Variants in ASAP2 observed in about 807,000 individuals in gnomAD.
ASAP2 encodes the protein arf-GAP with SH3 domain, ANK repeat and PH domain-containing protein 2.
ASAP2 carries 45 observed loss-of-function variants against 131.4 expected under a neutral mutation model. The observed-to-expected ratio is 0.34, with a 90% CI of 0.27 to 0.44. The LOEUF (loss-of-function observed/expected upper bound fraction) is 0.44, where lower values mean the gene tolerates loss of function less well. Ranked by LOEUF, ASAP2 falls within the 20% of genes least tolerant of loss-of-function variation. The probability of loss-of-function intolerance (pLI) is 1.00; values close to 1 mark genes in which losing one functional copy is unlikely to be tolerated. For missense variants in ASAP2, 1,011 were observed against 1,297.0 expected (o/e 0.78, Z 3.39); for synonymous variants, 510 against 503.0 (o/e 1.01, Z -0.19).
intron 1 of ASAP2, among the ~76,000 whole-genome samples, chr2:9,219,354 G>A (rs978772767): frequency 2.6e-5 from 4 of 152,174 alleles, no homozygotes; most frequent in African/African-American, 4.8e-5. Flanking sequence ...TTAGGAGAGC[G>A]GGATTGGAGT....
chr2:9,254,153 C>A (rs1340724281), intron 1 of ASAP2, among the ~76,000 whole-genome samples: 1 of 126,064 alleles, frequency 7.9e-6, no homozygotes, highest in Non-Finnish European at 1.6e-5. Flanking sequence ...CTGCAGTGAG[C>A]AGAGATTGCA....
chr2:9,271,218 G>A (rs1326609980), intron 1 of ASAP2: 1 of 635,240 alleles, frequency 1.6e-6, no homozygotes, highest in Non-Finnish European at 2.9e-6. Context: ...CTTGTGACAA[G>A]GGACAGAAGG....
intron 18 of ASAP2, among the ~76,000 whole-genome samples, chr2:9,377,994 T>G (rs1674537541): frequency 1.3e-5 from 2 of 152,100 alleles, no homozygotes; most frequent in Admixed American, 1.3e-4. Context: ...CCATGCACAT[T>G]TTCAGGGGGC....
chr2:9,247,664 CATTA>C (rs1664428124), intron 1 of ASAP2, among the ~76,000 whole-genome samples: 2 of 152,178 alleles, frequency 1.3e-5, no homozygotes, highest in Admixed American at 6.5e-5. Flanking sequence ...GATACTCAGT[CATTA>C]ATTAAGTGAA....
In ASAP2 at chr2:9,323,106, T is replaced by G; in HGVS notation, c.471-15T>G. ...GCCAACAGGCATCTTGATGTATCCT[T>G]GCTTTCACACGTAGAACCAAGATAG... On this transcript the variant is annotated splice_polypyrimidine_tract_variant and intron_variant, in intron 5 of 27. Transcript: ENST00000281419. 1 of 1,614,012 alleles carries G rather than the reference T, an allele frequency of 6.2e-7. No homozygotes were observed. Among genetic ancestry groups the G allele is most frequent in the Non-Finnish European group, 8.5e-7 (1 of 1,179,986 alleles).
chr2:9,245,809 G>T (rs906841766), intron 1 of ASAP2, among the ~76,000 whole-genome samples: 14 of 152,268 alleles, frequency 9.2e-5, no homozygotes, highest in African/African-American at 3.4e-4. Context: ...GCTCCTGGGG[G>T]ACAGAGCCTT....
rs773783386 is a variant in ASAP2 at position 9,388,280 on chromosome 2, A to T, written c.2131-14A>T. 2 of 1,613,046 alleles carry T rather than the reference A, an allele frequency of 1.2e-6. No homozygotes were observed. The highest frequency in any genetic ancestry group is 1.7e-6 in the Non-Finnish European group (2 of 1,179,830). On this transcript the variant is annotated splice_polypyrimidine_tract_variant and intron_variant, in intron 21 of 27. Coordinates refer to ENST00000281419, the MANE Select transcript of ASAP2 (RefSeq NM_003887.3). ...ATTTGTCTCACACGCCTCTGCCCCA[A>T]TGTTCTCCTGCAGCCCAGTCCCAAC...
rs116814211 is a variant in ASAP2 at position 9,360,616 on chromosome 2, T to C, written c.1461+1727T>C. Reference sequence around the variant, plus strand: ...TCTCATGGTGTAAATACTCCCACAATGGCCAATTTCAAGCTACCTAAGTGA... The same window carrying C: ...TCTCATGGTGTAAATACTCCCACAACGGCCAATTTCAAGCTACCTAAGTGA... On this transcript the variant is annotated intron_variant, in intron 15 of 27. Coordinates refer to ENST00000281419, the MANE Select transcript of ASAP2 (RefSeq NM_003887.3). 3.7e-3 allele frequency among the ~76,000 whole-genome samples: 566 copies of C among 152,318 alleles called. 3 individuals are homozygous for C. The highest frequency in any genetic ancestry group is 0.013 in the African/African-American group (535 of 41,574).
chr2:9,275,515 C>T (rs977425464), intron 1 of ASAP2, among the ~76,000 whole-genome samples: 17 of 152,326 alleles, frequency 1.1e-4, no homozygotes, highest in Non-Finnish European at 1.6e-4. Context: ...TTTTCCAGAA[C>T]GGCTACTGCC....
At chr2:9,279,065 AG>A (rs1666949242) in intron 1 of ASAP2, among the ~76,000 whole-genome samples, 1 of 122,008 alleles carries the variant, frequency 8.2e-6, no homozygotes, top group South Asian at 2.4e-4. Context: ...ATGCTGCAGG[AG>A]GAGGAGTTGG....
In ASAP2 at chr2:9,385,276, C is replaced by G. The variant is rs746597674; in HGVS notation, c.2048C>G (p.Ser683Cys). Residue 683 changes from serine to cysteine, a missense_variant, in exon 21 of 28, where the codon TCT becomes TGT. Around this residue, in one of 2 missense-constraint regions of ASAP2, gnomAD observed 652 missense variants for 698.9 expected, o/e 0.93. Coordinates refer to ENST00000281419, the MANE Select transcript of ASAP2 (RefSeq NM_003887.3). ...LTQALSGRFN[S>C]HVHVEYEWRL... Reference sequence around the variant, plus strand: ...CAAGCCTTATCTGGAAGATTTAATTCTCACGTTCACGTTGAATATGAATGG... The same window carrying G: ...CAAGCCTTATCTGGAAGATTTAATTGTCACGTTCACGTTGAATATGAATGG... 6.2e-7 allele frequency: 1 copy of G among 1,614,162 alleles called. No individual in the cohort carries two copies. The highest frequency in any genetic ancestry group is 1.7e-5 in the Admixed American group (1 of 60,030).
intron 9 of ASAP2, among the ~76,000 whole-genome samples, chr2:9,344,257 G>A (rs1264615941): frequency 6.6e-6 from 1 of 152,118 alleles, no homozygotes; most frequent in African/African-American, 2.4e-5. Context: ...GGCTCGTAAT[G>A]AAATAAAACC....
At position 9,380,730 on chromosome 2, in the gene ASAP2, T is replaced by G. The variant is rs1674771995; in HGVS notation, c.1949-11T>G. The G allele has an allele frequency of 6.2e-7, 1 of 1,613,996 alleles. No individual in the cohort carries two copies. Among genetic ancestry groups the G allele is most frequent in the Admixed American group, 1.7e-5 (1 of 60,008 alleles). On this transcript the variant is annotated splice_polypyrimidine_tract_variant and intron_variant, in intron 19 of 27. Transcript: ENST00000281419. ...GCCTTAACGCCTCCTTTGCTCGCCCTTGAATTTTAGCAAACGAGTCAGGAG... is the reference window on the plus strand; with the variant it reads ...GCCTTAACGCCTCCTTTGCTCGCCCGTGAATTTTAGCAAACGAGTCAGGAG...
At chr2:9,320,240 C>G (rs755385620) in intron 4 of ASAP2, 48 bp from the exon 5 acceptor site, 1 of 1,489,450 alleles carries the variant, frequency 6.7e-7, no homozygotes, top group African/African-American at 1.4e-5. Context: ...TTATCTTGCA[C>G]AGAAGTGAAT....
intron 1 of ASAP2, among the ~76,000 whole-genome samples, chr2:9,260,450 A>T (rs993374571): frequency 3.9e-5 from 6 of 152,102 alleles, no homozygotes; most frequent in African/African-American, 1.4e-4. Context: ...AGAGATGACC[A>T]ATTTTGGGGT....
At position 9,400,087 on chromosome 2, in the gene ASAP2, T is replaced by C; in HGVS notation, c.2734+15T>C. 4 of 1,611,522 alleles carry C rather than the reference T, an allele frequency of 2.5e-6. No individual in the cohort carries two copies. The highest frequency in any genetic ancestry group is 3.4e-6 in the Non-Finnish European group (4 of 1,178,722). On this transcript the variant is annotated intron_variant, in intron 25 of 27. Coordinates refer to ENST00000281419, the MANE Select transcript of ASAP2 (RefSeq NM_003887.3). ...GAGAGGACCTGGTAATTATTTAATT[T>C]GGGACTGAGTTTGTTTCTGCTTGGT...
chr2:9,380,320 C>T (rs1674737462), intron 19 of ASAP2, among the ~76,000 whole-genome samples: 1 of 152,164 alleles, frequency 6.6e-6, no homozygotes, highest in Non-Finnish European at 1.5e-5. Context: ...GCCTCAGCCT[C>T]CTGAGTAGCT....
At chr2:9,378,576 G>A (rs754593399) in intron 18 of ASAP2, among the ~76,000 whole-genome samples, 6 of 152,224 alleles carry the variant, frequency 3.9e-5, no homozygotes, top group Non-Finnish European at 7.3e-5. Context: ...ACAGCTGGCC[G>A]GCCTAGCACA....
At chr2:9,262,114 G>T (rs1415244768) in intron 1 of ASAP2, among the ~76,000 whole-genome samples, 1 of 152,174 alleles carries the variant, frequency 6.6e-6, no homozygotes, top group Non-Finnish European at 1.5e-5. Context: ...CTCCTCAGTA[G>T]CTGGGAATGA....
Sources: gnomAD v4.1 joint callset for allele counts (sites outside exome capture counted in the v4.1 genomes callset) on GRCh38, gnomAD v4.1.1 for gene constraint, gnomAD v4.1.1 regional missense constraint, MANE v1.5 for transcripts, NCBI Gene and HGNC (gene_info 2026-07-23, HGNC 2026-07-21) for gene names.